The following KIF26B variants were observed in gnomAD, a reference collection of about 807,000 sequenced individuals.
The protein encoded by KIF26B is kinesin-like protein KIF26B.
A neutral mutation model predicts 151.2 loss-of-function variants in KIF26B; 63 were observed. The observed-to-expected ratio is 0.42, with a 90% CI of 0.34 to 0.51. The LOEUF (loss-of-function observed/expected upper bound fraction) is 0.51. Among genes scored for constraint, KIF26B ranks in the 20% least tolerant of loss-of-function variants. The probability of loss-of-function intolerance (pLI) is 0.07; values close to 1 mark genes in which losing one functional copy is unlikely to be tolerated. For synonymous variants in KIF26B, 1,357 were observed against 1,262.1 expected (o/e 1.08, Z -1.59); for missense variants, 2,813 against 2,913.6 (o/e 0.97, Z 0.79).
chr1:245,219,767 A>G (rs1006442488), intron 2 of KIF26B, among the ~76,000 whole-genome samples: 4 of 151,990 alleles, frequency 2.6e-5, no homozygotes, highest in Non-Finnish European at 5.9e-5. Flanking sequence ...AAAGAAAGAA[A>G]CCAGAACACC....
At chr1:245,609,214 G>A in intron 7 of KIF26B, 52 bp from the exon 8 acceptor site, 1 of 1,508,652 alleles carries the variant, frequency 6.6e-7, no homozygotes, top group Non-Finnish European at 8.9e-7. Flanking sequence ...AGACTCCGTG[G>A]AATGATGCCT....
At chr1:245,393,220 T>G (rs920291461) in intron 3 of KIF26B, among the ~76,000 whole-genome samples, 1 of 152,198 alleles carries the variant, frequency 6.6e-6, no homozygotes, top group Non-Finnish European at 1.5e-5. Flanking sequence ...TGTCAAACTT[T>G]GTAAAAACTT....
In KIF26B at chr1:245,646,221, G is replaced by T; in HGVS notation, c.2199G>T (p.Leu733=). The change falls in exon 10 of 15, where the codon CTG becomes CTT. Residue 733 remains leucine, a synonymous_variant. Coordinates refer to ENST00000407071, the MANE Select transcript of KIF26B (RefSeq NM_018012.4). ...GAGGCTCAGGGCTGTGTCTCTCGCTGTCTGCTCTGGGCAATGTCATCCTGG... is the reference window on the plus strand; with the variant it reads ...GAGGCTCAGGGCTGTGTCTCTCGCTTTCTGCTCTGGGCAATGTCATCCTGG... ...REGGSGLCLS[L]SALGNVILAL... 1 of 1,613,980 alleles carries T rather than the reference G, an allele frequency of 6.2e-7. No homozygotes were observed. The highest frequency in any genetic ancestry group is 1.1e-5 in the South Asian group (1 of 91,068).
intron 2 of KIF26B, among the ~76,000 whole-genome samples, chr1:245,364,762 T>C (rs967446543): frequency 6.6e-6 from 1 of 152,166 alleles, no homozygotes; most frequent in Non-Finnish European, 1.5e-5. Context: ...GTGGCACCTC[T>C]TCCATATGAT....
intron 3 of KIF26B, among the ~76,000 whole-genome samples, chr1:245,373,008 G>A (rs561301780): frequency 1.3e-5 from 2 of 152,176 alleles, no homozygotes; most frequent in African/African-American, 2.4e-5. Context: ...CAGGAATACC[G>A]GTATAAATTA....
At chr1:245,475,333 C>A (rs1343581334) in intron 4 of KIF26B, among the ~76,000 whole-genome samples, 1 of 151,802 alleles carries the variant, frequency 6.6e-6, no homozygotes, top group Admixed American at 6.6e-5. Context: ...GGCCTCAGCT[C>A]TACTGAGCGA....
chr1:245,157,086 T>C (rs1668451521), intron 2 of KIF26B, among the ~76,000 whole-genome samples: 1 of 151,820 alleles, frequency 6.6e-6, no homozygotes, highest in African/African-American at 2.4e-5. Context: ...AGCAAGCTGA[T>C]GCTCGGAGCT....
At chr1:245,334,788 T>A (rs932800862) in intron 2 of KIF26B, among the ~76,000 whole-genome samples, 2 of 152,224 alleles carry the variant, frequency 1.3e-5, no homozygotes, top group Non-Finnish European at 2.9e-5. Flanking sequence ...TCTACCTCCG[T>A]CAAGTACTTT....
chr1:245,584,350 ACT>A (rs1491013481), intron 5 of KIF26B, among the ~76,000 whole-genome samples: 1 of 145,998 alleles, frequency 6.8e-6, no homozygotes, highest in Non-Finnish European at 1.5e-5. Context: ...AAATACCCAG[ACT>A]TGGGTATTTC....
At chr1:245,652,930 T>C (rs1402922430) in intron 10 of KIF26B, among the ~76,000 whole-genome samples, 1 of 152,190 alleles carries the variant, frequency 6.6e-6, no homozygotes, top group Non-Finnish European at 1.5e-5. Context: ...TTGGAAGGCG[T>C]CTTCCTTTCC....
chr1:245,544,652 G>A (rs1323075455), intron 5 of KIF26B, among the ~76,000 whole-genome samples: 1 of 152,176 alleles, frequency 6.6e-6, no homozygotes, highest in African/African-American at 2.4e-5. Flanking sequence ...ATCACTGGCT[G>A]TCACTAGATA....
intron 2 of KIF26B, among the ~76,000 whole-genome samples, chr1:245,273,441 A>AC (rs1165957082): frequency 1.5e-5 from 2 of 136,506 alleles, no homozygotes; most frequent in Non-Finnish European, 3.2e-5. Flanking sequence ...AAAAAAAAAA[A>AC]CCCCAAAAAA....
chr1:245,346,134 AG>A (rs1407839707), intron 2 of KIF26B, among the ~76,000 whole-genome samples: 2 of 151,820 alleles, frequency 1.3e-5, no homozygotes, highest in African/African-American at 4.8e-5. Context: ...TAGTAGAGTC[AG>A]GGTTTCACCA....
intron 2 of KIF26B, among the ~76,000 whole-genome samples, chr1:245,335,689 C>CGGGGAAAGAAGGGTCCCACGT (rs1672207676): frequency 1.5e-5 from 2 of 135,792 alleles, no homozygotes; most frequent in Admixed American, 1.5e-4. Flanking sequence ...GGGTCCCACG[C>CGGGGAAAGAAGGGTCCCACGT]GGGGAAAGAA....
intron 8 of KIF26B, among the ~76,000 whole-genome samples, chr1:245,609,967 C>G (rs573236780): frequency 1.3e-5 from 2 of 152,268 alleles, no homozygotes; most frequent in African/African-American, 4.8e-5. Flanking sequence ...CTAATAACCA[C>G]TTTCTAATTA....
chr1:245,200,489 GA>G (rs1454381078), intron 2 of KIF26B, among the ~76,000 whole-genome samples: 1 of 152,232 alleles, frequency 6.6e-6, no homozygotes, highest in Non-Finnish European at 1.5e-5. Context: ...CATCCCAAGA[GA>G]ATGTGTCAAT....
chr1:245,584,351 CTT>C (rs3085418), intron 5 of KIF26B, among the ~76,000 whole-genome samples: 20,236 of 152,046 alleles, frequency 0.13, 2,596 homozygotes, highest in African/African-American at 0.34. Flanking sequence ...AATACCCAGA[CTT>C]GGGTATTTCT....
intron 2 of KIF26B, among the ~76,000 whole-genome samples, chr1:245,297,005 T>G (rs1317636977): frequency 6.6e-6 from 1 of 152,226 alleles, no homozygotes; most frequent in Non-Finnish European, 1.5e-5. Flanking sequence ...TGAACTGTGT[T>G]AATATAAATT....
intron 2 of KIF26B, among the ~76,000 whole-genome samples, chr1:245,304,544 G>A (rs1189102894): frequency 1.3e-5 from 2 of 152,274 alleles, no homozygotes; most frequent in African/African-American, 4.8e-5. Context: ...GTATCTCTGG[G>A]AAGTTGCTTT....
Sources: gnomAD v4.1 joint callset for allele counts (sites outside exome capture counted in the v4.1 genomes callset) on GRCh38, gnomAD v4.1.1 for gene constraint, MANE v1.5 for transcripts, NCBI Gene and HGNC (gene_info 2026-07-23, HGNC 2026-07-21) for gene names.